PCP4: variants seen among roughly 807,000 people sequenced by gnomAD.
PCP4 encodes the protein calmodulin regulator protein PCP4.
PCP4 carries 8 observed loss-of-function variants against 10.0 expected under a neutral mutation model. The observed-to-expected ratio is 0.80, with a 90% CI of 0.47 to 1.45. The LOEUF (loss-of-function observed/expected upper bound fraction) is 1.45. Ranked by LOEUF, PCP4 falls within the 40% of genes most tolerant of loss-of-function variation. PCP4 has a pLI of 0.00. For missense variants in PCP4, 54 were observed against 74.4 expected, an observed-to-expected ratio of 0.73 and a Z score of 1.01; for synonymous variants, 21 against 23.0, an observed-to-expected ratio of 0.91 and a Z score of 0.24.
chr21:39,907,649 T>C (rs1484708028), intron 2 of PCP4, among the ~76,000 whole-genome samples: 4 of 152,016 alleles, frequency 2.6e-5, no homozygotes, highest in African/African-American at 9.7e-5. Flanking sequence ...ATACAAAAAT[T>C]ATCTGGGCGT....
chr21:39,897,179 C>T (rs765474567), intron 1 of PCP4, among the ~76,000 whole-genome samples: 30 of 151,804 alleles, frequency 2.0e-4, no homozygotes, highest in African/African-American at 4.3e-4. Flanking sequence ...CATGGGGTCA[C>T]GAGTTCGAGA....
chr21:39,876,868 T>G (rs1481485384), intron 1 of PCP4, among the ~76,000 whole-genome samples: 3 of 152,176 alleles, frequency 2.0e-5, no homozygotes, highest in East Asian at 3.9e-4. Context: ...CTGAACATGG[T>G]GGCTCTGCCC....
At chr21:39,893,826 A>C (rs2087444969) in intron 1 of PCP4, among the ~76,000 whole-genome samples, 1 of 152,210 alleles carries the variant, frequency 6.6e-6, no homozygotes, top group Admixed American at 6.5e-5. Context: ...TCTTTTGTGG[A>C]GGTCTCTGGA....
intron 1 of PCP4, among the ~76,000 whole-genome samples, chr21:39,890,041 T>A (rs898732715): frequency 6.6e-6 from 1 of 152,170 alleles, no homozygotes; most frequent in African/African-American, 2.4e-5. Context: ...AGCACACTGA[T>A]TTTATGGGTA....
In PCP4 at chr21:39,915,749, C is replaced by T. The variant is rs145245487; in HGVS notation, c.62-13235C>T. The stretch of plus-strand genomic sequence containing the variant: ...GGCAAGGGGTGTCTGTTAATTTTAT[C>T]GTAAGATTTCTTTTTTCCACTTACA... On this transcript the variant is annotated intron_variant, in intron 2 of 2. Transcript: ENST00000328619. Among the ~76,000 whole-genome samples, 1,421 of 152,248 alleles carry T rather than the reference C, an allele frequency of 9.3e-3. 23 individuals carry two copies. Among genetic ancestry groups the T allele is most frequent in the African/African-American group, 0.032 (1,338 of 41,526 alleles).
At chr21:39,924,964 C>T (rs895754291) in intron 2 of PCP4, among the ~76,000 whole-genome samples, 1 of 152,182 alleles carries the variant, frequency 6.6e-6, no homozygotes, top group Non-Finnish European at 1.5e-5. Context: ...GGCCACAGGC[C>T]CTGGCCCAGG....
In PCP4 at chr21:39,906,527, C is replaced by G. The variant is rs995232819; in HGVS notation, c.61+8000C>G. ...TCACCTGCCCTCTTCCTCACCCTTT[C>G]TCTTTCTCCCTCCTTCCTTCCTTCC... On this transcript the variant is annotated intron_variant, in intron 2 of 2. Transcript: ENST00000328619. This position sits in a 1 kb window ranked among gnomAD's most constrained non-coding sequence, Gnocchi z 6.3. Among the ~76,000 whole-genome samples the G allele has an allele frequency of 4.0e-5, 6 of 151,764 alleles. No individual in the cohort carries two copies. The highest frequency in any genetic ancestry group is 1.5e-4 in the African/African-American group (6 of 41,124).
At chr21:39,901,493 T>G (rs1485070404) in intron 2 of PCP4, among the ~76,000 whole-genome samples, 2 of 152,240 alleles carry the variant, frequency 1.3e-5, no homozygotes, top group Non-Finnish European at 2.9e-5. Context: ...CTCAGTGCTT[T>G]GCACCAAAGG....
chr21:39,917,404 C>A (rs80335651), intron 2 of PCP4, among the ~76,000 whole-genome samples: 2,434 of 152,320 alleles, frequency 0.016, 44 homozygotes, highest in Non-Finnish European at 0.029. Flanking sequence ...CAGCCCTCAC[C>A]TGTGCGGCAG....
chr21:39,916,974 A>G (rs1191162197), intron 2 of PCP4, among the ~76,000 whole-genome samples: 1 of 152,200 alleles, frequency 6.6e-6, no homozygotes, highest in African/African-American at 2.4e-5. Flanking sequence ...AGAATAGCTA[A>G]TGGATGCTGG....
chr21:39,904,249 T>A (rs2087496019), intron 2 of PCP4, among the ~76,000 whole-genome samples: 1 of 152,192 alleles, frequency 6.6e-6, no homozygotes, highest in South Asian at 2.1e-4. Context: ...TGGCCCTTTG[T>A]GGCTCCATAT....
chr21:39,880,072 C>A (rs114287265), intron 1 of PCP4, among the ~76,000 whole-genome samples: 1,927 of 152,002 alleles, frequency 0.013, 50 homozygotes, highest in African/African-American at 0.043. Context: ...AAACATAATT[C>A]CATTATCTTT....
chr21:39,879,572 G>A (rs889422398), intron 1 of PCP4, among the ~76,000 whole-genome samples: 2 of 152,130 alleles, frequency 1.3e-5, no homozygotes, highest in East Asian at 1.9e-4. Context: ...GCCGCTAAAT[G>A]TAACTCCAGA....
At chr21:39,893,032 TCCGGGG>T in intron 1 of PCP4, among the ~76,000 whole-genome samples, 1 of 152,140 alleles carries the variant, frequency 6.6e-6, no homozygotes, top group Admixed American at 6.5e-5. Flanking sequence ...ATGGTTACCC[TCCGGGG>T]CTGGGAGGAT....
chr21:39,905,738 C>G (rs1476654615), intron 2 of PCP4, among the ~76,000 whole-genome samples: 1 of 152,138 alleles, frequency 6.6e-6, no homozygotes. Context: ...TTCTTTACAT[C>G]TATAGGCTTG....
intron 1 of PCP4, among the ~76,000 whole-genome samples, chr21:39,886,683 G>C (rs1360606495): frequency 6.6e-6 from 1 of 152,174 alleles, no homozygotes; most frequent in Non-Finnish European, 1.5e-5. Flanking sequence ...TCAACAGTGT[G>C]GGCTGGACAT....
chr21:39,880,790 T>C (rs1344510223), intron 1 of PCP4, among the ~76,000 whole-genome samples: 2 of 152,192 alleles, frequency 1.3e-5, no homozygotes, highest in African/African-American at 4.8e-5. Flanking sequence ...CCGGGATCAA[T>C]ATGTGCAGAT....
At chr21:39,917,461 G>A (rs2087574762) in intron 2 of PCP4, among the ~76,000 whole-genome samples, 1 of 152,200 alleles carries the variant, frequency 6.6e-6, no homozygotes, top group South Asian at 2.1e-4. Flanking sequence ...CAGCTTCTCA[G>A]CCTGGTGGTA....
intron 1 of PCP4, among the ~76,000 whole-genome samples, chr21:39,895,607 C>G (rs1352323135): frequency 6.6e-6 from 1 of 152,236 alleles, no homozygotes; most frequent in Non-Finnish European, 1.5e-5. Flanking sequence ...TGGGCTTGAG[C>G]AAATTCCTCT....
Sources: allele counts gnomAD v4.1 joint callset (sites outside exome capture counted in the v4.1 genomes callset), GRCh38; gene constraint gnomAD v4.1.1; non-coding constraint Gnocchi (gnomAD v3.1); transcripts MANE v1.5; gene names NCBI Gene and HGNC (gene_info 2026-07-23, HGNC 2026-07-21).